Variants in DAB1 observed in about 807,000 individuals in gnomAD.
The protein encoded by DAB1 is DAB adaptor protein 1.
A neutral mutation model predicts 64.6 loss-of-function variants in DAB1; 15 were observed. That is an observed-to-expected ratio of 0.23 (90% CI 0.16 to 0.36). DAB1 has a LOEUF of 0.36. Ranked by LOEUF, DAB1 falls within the 10% of genes least tolerant of loss-of-function variation. The probability of loss-of-function intolerance (pLI) is 1.00; values close to 1 mark genes in which losing one functional copy is unlikely to be tolerated. For synonymous variants in DAB1, 235 were observed against 251.9 expected (o/e 0.93, Z 0.64); for missense variants, 596 against 706.7 (o/e 0.84, Z 1.78).
chr1:57,100,251 A>G (rs1345862812), intron 4 of DAB1, among the ~76,000 whole-genome samples: 1 of 152,202 alleles, frequency 6.6e-6, no homozygotes, highest in Non-Finnish European at 1.5e-5. Flanking sequence ...AATACATAGA[A>G]GTGCTTTGAA....
chr1:58,131,992 C>G lies in DAB1; in HGVS notation n.387+18519G>C, dbSNP rs1163430977. 7.9e-5 allele frequency among the ~76,000 whole-genome samples: 12 copies of G among 152,126 alleles called. No homozygotes were observed. The South Asian group carries it at 2.5e-3, about 32-fold the overall frequency. ...GAGCTGTGGTGGGCTCCACCCAGTT[C>G]GAGCTTCCTGGCTGCTTTCTTTACC... is the stretch of plus-strand genomic sequence containing the variant. On this transcript the variant is annotated intron_variant and non_coding_transcript_variant, in intron 5 of 20. Coordinates refer to the DAB1 transcript ENST00000485760.
chr1:57,184,928 A>G (rs12076531), intron 2 of DAB1, among the ~76,000 whole-genome samples: 1 of 152,120 alleles, frequency 6.6e-6, no homozygotes, highest in Non-Finnish European at 1.5e-5. Flanking sequence ...AACTGAGCAC[A>G]TGGACCCCGC....
chr1:57,163,141 C>T (rs570179768), intron 2 of DAB1, among the ~76,000 whole-genome samples: 6 of 152,188 alleles, frequency 3.9e-5, no homozygotes, highest in Non-Finnish European at 5.9e-5. Flanking sequence ...AGGAAGCTCC[C>T]GCTCTCCTAG....
At position 57,722,493 on chromosome 1, in the gene DAB1, C is replaced by A. The variant is rs374114264; in HGVS notation, n.552-72828G>T. Among the ~76,000 whole-genome samples the A allele has an allele frequency of 1.5e-4, 23 of 152,282 alleles. No individual in the cohort carries two copies. The East Asian group carries it at 3.9e-3, about 26-fold the overall frequency. ...CTGTCATCATGACTTAAGCTTAGCA[C>A]CCTCTCAAACTTCTCAACACGGTAT... On this transcript the variant is annotated intron_variant and non_coding_transcript_variant, in intron 6 of 20. Transcript: ENST00000485760.
chr1:57,241,197 T>G (rs1161413110), intron 2 of DAB1, among the ~76,000 whole-genome samples: 1 of 152,196 alleles, frequency 6.6e-6, no homozygotes, highest in African/African-American at 2.4e-5. Flanking sequence ...GAACTTAGCT[T>G]TTTTCTCTTG....
chr1:58,534,006 G>C (rs775636632), intron 1 of DAB1: 14 of 871,552 alleles, frequency 1.6e-5, no homozygotes, highest in Admixed American at 3.4e-5. Flanking sequence ...AAAGAAAGTT[G>C]ATGAATATCG....
intron 3 of DAB1, among the ~76,000 whole-genome samples, chr1:57,140,392 G>A (rs1431185637): frequency 1.3e-5 from 2 of 152,116 alleles, no homozygotes; most frequent in Non-Finnish European, 2.9e-5. Context: ...AGAACCTAAA[G>A]GGGCTAATAA....
chr1:57,924,330 T>G (rs1644849407), intron 5 of DAB1, among the ~76,000 whole-genome samples: 2 of 152,228 alleles, frequency 1.3e-5, no homozygotes, highest in African/African-American at 4.8e-5. Flanking sequence ...TGATCTCAAT[T>G]TTATAAGCAA....
At chr1:58,244,449 T>A (rs1171864626) in intron 4 of DAB1, among the ~76,000 whole-genome samples, 1 of 152,226 alleles carries the variant, frequency 6.6e-6, no homozygotes, top group African/African-American at 2.4e-5. Flanking sequence ...AGTTAATATA[T>A]TTAAAGTGTT....
At chr1:57,224,428 C>T (rs764183179) in intron 2 of DAB1, among the ~76,000 whole-genome samples, 17 of 152,198 alleles carry the variant, frequency 1.1e-4, no homozygotes, top group Non-Finnish European at 2.4e-4. Flanking sequence ...GCCTATCTCT[C>T]ATCCCACTTT....
intron 7 of DAB1, among the ~76,000 whole-genome samples, chr1:57,567,842 C>A (rs1645142415): frequency 6.6e-6 from 1 of 152,104 alleles, no homozygotes; most frequent in Admixed American, 6.6e-5. Flanking sequence ...TGAAAATGGC[C>A]ATACTGCCCA....
At chr1:57,248,805 CA>C (rs1261358596) in intron 2 of DAB1, among the ~76,000 whole-genome samples, 21 of 152,274 alleles carry the variant, frequency 1.4e-4, no homozygotes, top group Admixed American at 1.3e-3. Context: ...TGCATTTGCT[CA>C]GGCCCTCATT....
At chr1:57,717,135 A>G (rs865949255) in intron 6 of DAB1, among the ~76,000 whole-genome samples, 2 of 152,030 alleles carry the variant, frequency 1.3e-5, no homozygotes, top group Middle Eastern at 3.4e-3. Flanking sequence ...GCTACTCTGG[A>G]AGGCTGAGGG....
intron 4 of DAB1, among the ~76,000 whole-genome samples, chr1:58,198,459 T>G (rs1257861588): frequency 6.6e-6 from 1 of 152,240 alleles, no homozygotes; most frequent in Non-Finnish European, 1.5e-5. Context: ...GATCATTAGT[T>G]GTATGACTTT....
At chr1:57,142,922 G>C (rs924082693) in intron 3 of DAB1, among the ~76,000 whole-genome samples, 2 of 152,136 alleles carry the variant, frequency 1.3e-5, no homozygotes, top group African/African-American at 2.4e-5. Context: ...AGATTTGTTA[G>C]AGCAAATCTC....
At chr1:58,410,548 T>G (rs560881989) in intron 3 of DAB1, among the ~76,000 whole-genome samples, 2 of 152,180 alleles carry the variant, frequency 1.3e-5, no homozygotes, top group Non-Finnish European at 2.9e-5. Context: ...TTCACCAGCA[T>G]GAATAGGCTG....
At chr1:57,684,924 C>T (rs141298231) in intron 6 of DAB1, among the ~76,000 whole-genome samples, 54 of 150,326 alleles carry the variant, frequency 3.6e-4, no homozygotes, top group Middle Eastern at 3.5e-3. Context: ...AAATGGAAAA[C>T]AAAAAAACAG....
At chr1:57,049,281 C>G (rs1648906755) in intron 9 of DAB1, among the ~76,000 whole-genome samples, 1 of 151,264 alleles carries the variant, frequency 6.6e-6, no homozygotes, top group South Asian at 2.1e-4. Flanking sequence ...AACCCTGTCT[C>G]TACTAAAAAT....
chr1:58,164,189 T>TAAAAAAAAAAAAAAAAAAAAAAAAAAAAA (rs71691727), intron 4 of DAB1, among the ~76,000 whole-genome samples: 1 of 115,474 alleles, frequency 8.7e-6, no homozygotes. Context: ...GAGCTCAGCT[T>TAAAAAAAAAAAAAAAAAAAAAAAAAAAAA]AAAAAAAAAA....
Sources: allele counts gnomAD v4.1 joint callset (sites outside exome capture counted in the v4.1 genomes callset), GRCh38; gene constraint gnomAD v4.1.1; transcripts MANE v1.5; gene names NCBI Gene and HGNC (gene_info 2026-07-23, HGNC 2026-07-21).